The following RIMBP2 variants were observed in gnomAD, a reference collection of about 807,000 sequenced individuals.
RIMBP2 encodes the protein RIMS binding protein 2, also known as RIMS-binding protein 2.
A neutral mutation model predicts 118.6 loss-of-function variants in RIMBP2; 48 were observed. The ratio of observed to expected loss-of-function variants is 0.40; its 90% CI spans 0.32 to 0.51. The LOEUF is 0.51. Ranked by LOEUF, RIMBP2 falls within the 20% of genes least tolerant of loss-of-function variation. The pLI, the probability that RIMBP2 is intolerant of heterozygous loss-of-function variation, is 0.41. For missense variants in RIMBP2, 1,551 were observed against 1,768.3 expected (o/e 0.88, Z 2.20); for synonymous variants, 762 against 742.9 (o/e 1.03, Z -0.42).
chr12:130,471,689 C>T (rs544849642), intron 5 of RIMBP2: 2 of 152,632 alleles, frequency 1.3e-5, no homozygotes, highest in South Asian at 4.1e-4. Flanking sequence ...AATCTGCCCT[C>T]CCTTCTGTGA....
In RIMBP2 at chr12:130,545,490, T is replaced by C. The variant is rs568389760; in HGVS notation, c.-216-27573A>G. Among the ~76,000 whole-genome samples, 11 of 152,386 alleles carry C rather than the reference T, an allele frequency of 7.2e-5. No homozygotes were observed. The South Asian group carries it at 2.3e-3, about 32-fold the overall frequency. On this transcript the variant is annotated intron_variant, in intron 2 of 22. Coordinates refer to ENST00000690449, the MANE Select transcript of RIMBP2 (RefSeq NM_001393629.1). The stretch of plus-strand genomic sequence containing the variant: ...GAAGTAATATTTAAGGTTTATTAGG[T>C]TAAATGAACATACATTATTCAAGTT...
chr12:130,447,766 C>G lies in RIMBP2; in HGVS notation c.581+2434G>C, dbSNP rs1044265570. ...CGGGTGGGAAGGACCCAGGAGCCCT[C>G]AGCAAGGCGTTCCCCACGGCGGAGG... is the stretch of plus-strand genomic sequence containing the variant. On this transcript the variant is annotated intron_variant, in intron 9 of 22. Coordinates refer to ENST00000690449, the MANE Select transcript of RIMBP2 (RefSeq NM_001393629.1). This position sits in a 1 kb window ranked among gnomAD's most constrained non-coding sequence, Gnocchi z 4.4. 1.3e-5 allele frequency among the ~76,000 whole-genome samples: 2 copies of G among 152,190 alleles called. No homozygotes were observed. Among genetic ancestry groups the G allele is most frequent in the African/African-American group, 4.8e-5 (2 of 41,450 alleles).
At chr12:130,587,829 T>TAA (rs374788301) in intron 2 of RIMBP2, among the ~76,000 whole-genome samples, 1,669 of 121,338 alleles carry the variant, frequency 0.014, 42 homozygotes, top group African/African-American at 0.046. Context: ...TAAAGTATAA[T>TAA]AAAAAAAAAA....
At chr12:130,685,648 C>A (rs1314060210) in intron 1 of RIMBP2, among the ~76,000 whole-genome samples, 1 of 152,126 alleles carries the variant, frequency 6.6e-6, no homozygotes, top group Non-Finnish European at 1.5e-5. Flanking sequence ...AGTCACTGGG[C>A]CTCGTGCTTC....
Position 130,437,123 on chromosome 12 carries a change from G to C in RIMBP2, c.1825C>G (p.His609Asp), listed in dbSNP as rs139183976. ...PPELLVPPTP[H>D]PRPAPQSKPL... ...TTTGATTGGGGTGCAGGTCTCGGGT[G>C]GGGGGTAGGAGGCACCAGGAGCTCG... Residue 609 changes from histidine (H) to aspartate (D), a missense_variant, in exon 13 of 23, where the codon CAC becomes GAC. Coordinates refer to ENST00000690449, the MANE Select transcript of RIMBP2 (RefSeq NM_001393629.1). The C allele has an allele frequency of 7.3e-5, 115 of 1,584,108 alleles. 1 individual carries two copies. In the African/African-American group the frequency reaches 1.3e-3, roughly 18 times the overall value.
In RIMBP2 at chr12:130,703,434, G is replaced by A. The variant is rs529873286; in HGVS notation, c.-352+12788C>T. On this transcript the variant is annotated intron_variant, in intron 1 of 22. Transcript: ENST00000690449. This position sits in a 1 kb window ranked among gnomAD's most constrained non-coding sequence, Gnocchi z 5.7. ...TGGGAAGAGTGCTGTATTCTCAAAC[G>A]ATCACTGTTTTTTAAAAGCGTGGCA... is the stretch of plus-strand genomic sequence containing the variant. Among the ~76,000 whole-genome samples the A allele has an allele frequency of 1.1e-4, 17 of 152,284 alleles. No individual in the cohort carries two copies. The highest frequency in any genetic ancestry group is 3.4e-4 in the African/African-American group (14 of 41,558).
At chr12:130,679,638 G>A (rs926993545) in intron 1 of RIMBP2, among the ~76,000 whole-genome samples, 2 of 152,170 alleles carry the variant, frequency 1.3e-5, no homozygotes, top group African/African-American at 4.8e-5. Context: ...CGGCTGTGAT[G>A]TGTACCCTTT....
intron 2 of RIMBP2, among the ~76,000 whole-genome samples, chr12:130,562,777 G>T (rs1334855611): frequency 6.6e-6 from 1 of 152,190 alleles, no homozygotes; most frequent in Non-Finnish European, 1.5e-5. Context: ...AGGAATAAAT[G>T]AAAAATGGAT....
chr12:130,686,316 A>G (rs967507729), intron 1 of RIMBP2, among the ~76,000 whole-genome samples: 8 of 151,784 alleles, frequency 5.3e-5, no homozygotes, highest in Non-Finnish European at 7.4e-5. Context: ...ACCACGCTTC[A>G]CTCCCCTCTG....
At chr12:130,573,458 G>T (rs2057848599) in intron 2 of RIMBP2, among the ~76,000 whole-genome samples, 1 of 152,078 alleles carries the variant, frequency 6.6e-6, no homozygotes, top group Non-Finnish European at 1.5e-5. Flanking sequence ...GTGCGTGGGT[G>T]CATGTGGGTG....
At chr12:130,601,892 G>A (rs923933048) in intron 2 of RIMBP2, among the ~76,000 whole-genome samples, 16 of 152,184 alleles carry the variant, frequency 1.1e-4, no homozygotes, top group Non-Finnish European at 1.6e-4. Flanking sequence ...AGCTTTCAGC[G>A]AACCTTTTAA....
In RIMBP2 at chr12:130,424,921, G is replaced by A. The variant is rs930125328; in HGVS notation, c.2413-63C>T. 22 of 995,024 alleles carry A rather than the reference G, an allele frequency of 2.2e-5. No individual in the cohort carries two copies. The highest frequency in any genetic ancestry group is 2.9e-5 in the Non-Finnish European group (22 of 771,784). The allele number at this position is 995,024 out of a possible 1,614,324, so 61.6% of individuals were successfully genotyped here. A position where few individuals can be genotyped will look rare whatever the true frequency, so the allele number is the denominator to read the frequency against. On this transcript the variant is annotated intron_variant, in intron 15 of 22. Coordinates refer to ENST00000690449, the MANE Select transcript of RIMBP2 (RefSeq NM_001393629.1). The surrounding 1 kb of genome is among the most constrained non-coding windows in gnomAD (Gnocchi z 9.8). ...AGTGTGTGGTCAGCATGAAGTGGGGGCCAGGGGAGGAAAGAAAATACAGAC... is the reference window on the plus strand; with the variant it reads ...AGTGTGTGGTCAGCATGAAGTGGGGACCAGGGGAGGAAAGAAAATACAGAC...
intron 1 of RIMBP2, among the ~76,000 whole-genome samples, chr12:130,698,226 G>A (rs968400126): frequency 1.3e-5 from 2 of 152,294 alleles, no homozygotes; most frequent in African/African-American, 2.4e-5. Flanking sequence ...GGGTGCAACC[G>A]TGACTTAGTG....
chr12:130,487,148 C>T (rs1284263200), intron 4 of RIMBP2, among the ~76,000 whole-genome samples: 2 of 152,222 alleles, frequency 1.3e-5, no homozygotes, highest in Non-Finnish European at 2.9e-5. Context: ...CAAGGTCATC[C>T]CCAACTCCAG....
chr12:130,635,247 G>A (rs1196251686), intron 1 of RIMBP2, among the ~76,000 whole-genome samples: 6 of 152,154 alleles, frequency 3.9e-5, no homozygotes, highest in Admixed American at 1.3e-4. Flanking sequence ...GCGGGCCAGC[G>A]CCTGGACCTA....
intron 2 of RIMBP2, among the ~76,000 whole-genome samples, chr12:130,549,563 G>A (rs569025641): frequency 5.3e-5 from 8 of 152,092 alleles, no homozygotes; most frequent in Non-Finnish European, 1.0e-4. Flanking sequence ...TTGTGTCCAC[G>A]TGTTCTCATC....
intron 1 of RIMBP2, among the ~76,000 whole-genome samples, chr12:130,679,622 C>T (rs1475094756): frequency 6.6e-6 from 1 of 152,150 alleles, no homozygotes; most frequent in African/African-American, 2.4e-5. Flanking sequence ...AATCTAGCAG[C>T]TGAGACGGCT....
At chr12:130,592,223 T>C (rs2059313596) in intron 2 of RIMBP2, among the ~76,000 whole-genome samples, 1 of 152,348 alleles carries the variant, frequency 6.6e-6, no homozygotes, top group East Asian at 1.9e-4. Context: ...AGCAAGCTTC[T>C]TCACCACAAC....
rs2080785211 is a variant in RIMBP2, at chr12:130,469,183, A to G, written c.153+1510T>C. 2 of 152,664 alleles carry G rather than the reference A, an allele frequency of 1.3e-5. No individual in the cohort carries two copies. Among genetic ancestry groups the G allele is most frequent in the African/African-American group, 4.8e-5 (2 of 41,458 alleles). The allele number at this position is 152,664 out of a possible 1,614,324, so 9.5% of individuals were successfully genotyped here. A position where few individuals can be genotyped will look rare whatever the true frequency, so the allele number is the denominator to read the frequency against. On this transcript the variant is annotated intron_variant, in intron 6 of 22. Coordinates refer to ENST00000690449, the MANE Select transcript of RIMBP2 (RefSeq NM_001393629.1). The surrounding 1 kb of genome is among the most constrained non-coding windows in gnomAD (Gnocchi z 4.8). ...GTCCAAGGTGTTCTGCGCGAAGAGC[A>G]AAGCAAGACAGTTACAGAAAGACGC...
Sources: gnomAD v4.1 joint callset for allele counts (sites outside exome capture counted in the v4.1 genomes callset) on GRCh38, gnomAD v4.1.1 for gene constraint, Gnocchi (gnomAD v3.1) non-coding constraint, MANE v1.5 for transcripts, NCBI Gene and HGNC (gene_info 2026-07-23, HGNC 2026-07-21) for gene names.